KLHL24: variants seen among roughly 807,000 people sequenced by gnomAD.
KLHL24 encodes kelch-like protein 24.
In KLHL24, 29 loss-of-function variants were observed where a neutral mutation model predicts 53.4. That is an observed-to-expected ratio of 0.54 (90% CI 0.40 to 0.74). The LOEUF is 0.74. Among genes scored for constraint, KLHL24 ranks in the 30% least tolerant of loss-of-function variants. The pLI is 0.00. For synonymous variants in KLHL24, 222 were observed against 253.7 expected (o/e 0.88, Z 1.19); for missense variants, 504 against 744.0 (o/e 0.68, Z 3.75).
At position 183,635,972 on chromosome 3, in the gene KLHL24, G is replaced by T. The variant is rs1385746983; in HGVS notation, c.-125+179G>T. Among the ~76,000 whole-genome samples, 11 of 152,272 alleles carry T rather than the reference G, an allele frequency of 7.2e-5. No homozygotes were observed. The East Asian group carries it at 2.1e-3, about 30-fold the overall frequency. On this transcript the variant is annotated intron_variant, in intron 1 of 7. Transcript: ENST00000242810. Reference sequence around the variant, plus strand: ...GAGGGGCCTCCAGGGTTCACCTGGGGGGTCTTCCTCCCCCGCTTGGTAGCT... The same window carrying T: ...GAGGGGCCTCCAGGGTTCACCTGGGTGGTCTTCCTCCCCCGCTTGGTAGCT...
intron 4 of KLHL24, chr3:183,664,168 C>G (rs1720202364): frequency 6.6e-6 from 1 of 152,098 alleles, no homozygotes; most frequent in Non-Finnish European, 1.5e-5. Context: ...ACAAAAGATC[C>G]ACCAGAAGAT....
intron 5 of KLHL24, among the ~76,000 whole-genome samples, chr3:183,665,713 G>A (rs1163431510): frequency 1.3e-5 from 2 of 151,912 alleles, no homozygotes; most frequent in Non-Finnish European, 2.9e-5. Flanking sequence ...TCGCACCACT[G>A]CACTCCAGCC....
intron 2 of KLHL24, among the ~76,000 whole-genome samples, chr3:183,648,884 TC>T (rs1717707761): frequency 6.6e-6 from 1 of 152,086 alleles, no homozygotes; most frequent in South Asian, 2.1e-4. Context: ...GTGCCTGTAG[TC>T]CCAGCTACTC....
intron 2 of KLHL24, among the ~76,000 whole-genome samples, chr3:183,645,198 T>C (rs1010077992): frequency 6.6e-5 from 10 of 152,254 alleles, no homozygotes; most frequent in Admixed American, 5.2e-4. Context: ...TTTATCATAA[T>C]TGAAATGTTC....
chr3:183,651,610 C>T (rs894325221), intron 3 of KLHL24, among the ~76,000 whole-genome samples: 6 of 152,158 alleles, frequency 3.9e-5, no homozygotes, highest in African/African-American at 1.4e-4. Context: ...TCTTTGGATA[C>T]AGGGTAGCTA....
intron 7 of KLHL24, 57 bp downstream of exon 7, chr3:183,672,541 A>C (rs1289156610): frequency 2.5e-6 from 3 of 1,204,448 alleles, no homozygotes; most frequent in Non-Finnish European, 3.5e-6. Flanking sequence ...CAAGTACATA[A>C]TCATTATTAA....
chr3:183,664,804 T>C (rs1024795837), intron 4 of KLHL24, 117 bp from the exon 5 acceptor site: 4 of 527,672 alleles, frequency 7.6e-6, no homozygotes, highest in Non-Finnish European at 1.4e-5. Flanking sequence ...ATTCTCAAAT[T>C]CTTGAATTAG....
chr3:183,652,799 T>C (rs889803906), intron 3 of KLHL24, among the ~76,000 whole-genome samples: 1 of 152,204 alleles, frequency 6.6e-6, no homozygotes, highest in Non-Finnish European at 1.5e-5. Flanking sequence ...GAACACACAG[T>C]ATCCCTCTAA....
At chr3:183,656,037 C>CTTTTTTTTTTTT (rs760140064) in intron 3 of KLHL24, among the ~76,000 whole-genome samples, 9 of 90,888 alleles carry the variant, frequency 9.9e-5, no homozygotes, top group African/African-American at 1.5e-4. Context: ...CCCTTAGCAT[C>CTTTTTTTTTTTT]TTTTTTTTTT....
chr3:183,657,356 A>T (rs1267283114), intron 3 of KLHL24, among the ~76,000 whole-genome samples: 14 of 152,148 alleles, frequency 9.2e-5, no homozygotes, highest in Admixed American at 9.2e-4. Context: ...AAGACTTAAT[A>T]AGTTCATCAT....
At chr3:183,664,722 T>C (rs1057413757) in intron 4 of KLHL24, among the ~76,000 whole-genome samples, 199 bp from the exon 5 acceptor site, 12 of 152,238 alleles carry the variant, frequency 7.9e-5, no homozygotes, top group African/African-American at 2.4e-5. Flanking sequence ...AAGATAACAA[T>C]TGGTAAAGTT....
chr3:183,679,049 A>G lies in KLHL24; in HGVS notation c.1603-37A>G, dbSNP rs1712392333. ...GTTTGTTACCAAATCCTTTATCTTC[A>G]ATGGTTAATTTTTTGTTTATATATT... is the stretch of plus-strand genomic sequence containing the variant. On this transcript the variant is annotated intron_variant, in intron 7 of 7. Coordinates refer to ENST00000242810, the MANE Select transcript of KLHL24 (RefSeq NM_017644.3). The G allele has an allele frequency of 6.0e-6, 9 of 1,512,038 alleles. No individual in the cohort carries two copies. The East Asian group carries it at 2.0e-4, about 34-fold the overall frequency. 93.7% of individuals were successfully genotyped at this position (1,512,038 alleles called of 1,614,324 possible).
chr3:183,642,590 C>CT lies in KLHL24; in HGVS notation c.-124-889dup, dbSNP rs1458331897. 2.3e-4 allele frequency among the ~76,000 whole-genome samples: 32 copies of CT among 137,056 alleles called. 1 individual carries two copies. In the South Asian group the frequency reaches 7.1e-3, roughly 30 times the overall value. 89.9% of individuals were successfully genotyped at this position (137,056 alleles called of 152,430 possible). ...GTATTTTCTCTTAAGCATTCCTCTT[C>CT]TCCCCTTCCACCAAAAAAAAAAAAA... On this transcript the variant is annotated intron_variant, in intron 1 of 7. Coordinates refer to ENST00000242810, the MANE Select transcript of KLHL24 (RefSeq NM_017644.3).
intron 1 of KLHL24, among the ~76,000 whole-genome samples, chr3:183,640,504 T>C (rs1025755299): frequency 1.3e-5 from 2 of 152,196 alleles, no homozygotes; most frequent in Non-Finnish European, 2.9e-5. Flanking sequence ...TTCTAATAAA[T>C]ATGGGGTAAT....
intron 5 of KLHL24, among the ~76,000 whole-genome samples, chr3:183,668,873 G>C (rs117723051): frequency 8.6e-5 from 13 of 151,936 alleles, no homozygotes; most frequent in Admixed American, 6.6e-5. Flanking sequence ...ACTCCAGCCC[G>C]GTGACAGAGT....
chr3:183,679,322 C>A lies in KLHL24; in HGVS notation c.*36C>A. Reference sequence around the variant, plus strand: ...CCTCACCGAAGAAGCCACACTGATCCAAGATGGGAGGTTTTAAAAACTCTA... The same window carrying A: ...CCTCACCGAAGAAGCCACACTGATCAAAGATGGGAGGTTTTAAAAACTCTA... On this transcript the variant is annotated 3_prime_UTR_variant, in exon 8 of 8. Transcript: ENST00000242810. The A allele has an allele frequency of 6.5e-7, 1 of 1,531,548 alleles. No homozygotes were observed. Among genetic ancestry groups the A allele is most frequent in the Non-Finnish European group, 9.0e-7 (1 of 1,106,878 alleles). The allele number at this position is 1,531,548 out of a possible 1,614,324, so 94.9% of individuals were successfully genotyped here.
At position 183,650,767 on chromosome 3, in the gene KLHL24, G is replaced by A; in HGVS notation, c.411G>A (p.Gln137=). The A allele has an allele frequency of 2.5e-6, 4 of 1,613,872 alleles. No individual in the cohort carries two copies. The highest frequency in any genetic ancestry group is 2.5e-6 in the Non-Finnish European group (3 of 1,179,836). The change falls in exon 3 of 8, where the codon CAG becomes CAA. Residue 137 remains glutamine, a synonymous_variant. Coordinates refer to ENST00000242810, the MANE Select transcript of KLHL24 (RefSeq NM_017644.3). The surrounding 1 kb of genome is among the most constrained non-coding windows in gnomAD (Gnocchi z 4.5). ...GKVKITTENV[Q]YLFETSSLFQ... ...TGAAGATCACTACAGAGAATGTACA[G>A]TATCTCTTTGAGACATCAAGCCTCT...
At position 183,681,783 on chromosome 3, in the gene KLHL24, A is replaced by G. The variant is rs1181522367; in HGVS notation, c.*2497A>G. ...AAAAGAATTTTAGAGTAGAATTAATATATCAAAAGGGGTATATCAACCAAA... is the reference window on the plus strand; with the variant it reads ...AAAAGAATTTTAGAGTAGAATTAATGTATCAAAAGGGGTATATCAACCAAA... On this transcript the variant is annotated 3_prime_UTR_variant, in exon 8 of 8. Coordinates refer to ENST00000242810, the MANE Select transcript of KLHL24 (RefSeq NM_017644.3). 2.6e-5 allele frequency: 4 copies of G among 152,514 alleles called. No individual in the cohort carries two copies. The highest frequency in any genetic ancestry group is 4.1e-4 in the South Asian group (2 of 4,836). 9.4% of individuals were successfully genotyped at this position (152,514 alleles called of 1,614,324 possible).
chr3:183,663,766 C>T lies in KLHL24; in HGVS notation c.1105+124C>T. 1.9e-6 allele frequency: 1 copy of T among 539,220 alleles called. No homozygotes were observed. The highest frequency in any genetic ancestry group is 3.0e-6 in the Non-Finnish European group (1 of 336,444). 33.4% of individuals were successfully genotyped at this position (539,220 alleles called of 1,614,324 possible). A position where few individuals can be genotyped will look rare whatever the true frequency, so the allele number is the denominator to read the frequency against. ...CCACTTGAGGAAGATCAGTTTACAA[C>T]AAATAAAACCAAGAATGACTTTTTG... On this transcript the variant is annotated intron_variant, in intron 4 of 7. Transcript: ENST00000242810. This position sits in a 1 kb window ranked among gnomAD's most constrained non-coding sequence, Gnocchi z 4.9.
Sources: allele counts gnomAD v4.1 joint callset (sites outside exome capture counted in the v4.1 genomes callset), GRCh38; gene constraint gnomAD v4.1.1; non-coding constraint Gnocchi (gnomAD v3.1); transcripts MANE v1.5; gene names NCBI Gene and HGNC (gene_info 2026-07-23, HGNC 2026-07-21).